Variants in EEF2 observed in about 807,000 individuals in gnomAD.
EEF2 encodes elongation factor 2.
Under a neutral mutation model 85.3 loss-of-function variants are expected in EEF2, and 21 were observed. The observed-to-expected ratio is 0.25, with a 90% CI of 0.17 to 0.35. EEF2 has a LOEUF of 0.35. EEF2 is among the 10% of genes least tolerant of loss of function. The pLI is 1.00. For missense variants in EEF2, 825 were observed against 1,225.3 expected (o/e 0.67, Z 4.88); for synonymous variants, 723 against 508.8 (o/e 1.42, Z -5.67).
At chr19:3,982,096 G>C (rs369219743) in intron 5 of EEF2, 44 bp from the exon 6 acceptor site, 1 of 1,607,784 alleles carries the variant, frequency 6.2e-7, no homozygotes, top group Non-Finnish European at 8.5e-7. Context: ...GGTCTCCAGG[G>C]GATGACTTGG....
At chr19:3,978,807 A>AAAAAAAAAAG (rs2039708289) in intron 11 of EEF2, among the ~76,000 whole-genome samples, 1 of 112,126 alleles carries the variant, frequency 8.9e-6, no homozygotes, top group Non-Finnish European at 1.7e-5. Flanking sequence ...TTGTCTCAAA[A>AAAAAAAAAAG]AAAAAAAAAA....
chr19:3,980,841 C>T lies in EEF2; in HGVS notation c.1150G>A (p.Gly384Ser), dbSNP rs1439827287. ...EGPPDDEAAM[G>S]IKSCDPKGPL... is the part of the protein sequence containing the mutation. ...GGGCCCGGCCACCGGGACCACGTACCCATGGCAGCCTCGTCGTCCGGGGGC... is the reference window on the plus strand; with the variant it reads ...GGGCCCGGCCACCGGGACCACGTACTCATGGCAGCCTCGTCGTCCGGGGGC... Residue 384 changes from glycine to serine, a missense_variant and splice_region_variant, in exon 8 of 15, where the codon GGC becomes AGC. Gly to Ser is a moderately conservative substitution (Grantham distance 56). Transcript: ENST00000309311. 4.5e-6 allele frequency: 7 copies of T among 1,570,412 alleles called. No homozygotes were observed. The highest frequency in any genetic ancestry group is 6.0e-6 in the Non-Finnish European group (7 of 1,159,282).
In EEF2 at chr19:3,979,407, G is replaced by A. The variant is rs2039717210; in HGVS notation, c.1635C>T (p.Ile545=). The A allele has an allele frequency of 1.9e-6, 3 of 1,613,936 alleles. No individual in the cohort carries two copies. Among genetic ancestry groups the A allele is most frequent in the Non-Finnish European group, 8.5e-7 (1 of 1,180,018 alleles). ...QCIIEESGEH[I]IAGAGELHLE... ...GGTGCAGCTCGCCGGCGCCCGCGAT[G>A]ATATGCTCTCCCGACTCCTCGATGA... The change falls in exon 11 of 15, where the codon ATC becomes ATT. Residue 545 remains isoleucine (I), a synonymous_variant. Coordinates refer to ENST00000309311, the MANE Select transcript of EEF2 (RefSeq NM_001961.4).
intron 11 of EEF2, among the ~76,000 whole-genome samples, chr19:3,978,571 C>A (rs902718372): frequency 1.3e-5 from 2 of 151,644 alleles, no homozygotes; most frequent in African/African-American, 2.4e-5. Context: ...TTTGGGAGGC[C>A]GAGGCGGGTG....
Position 3,982,231 on chromosome 19 carries a change from T to G in EEF2, c.791+15A>C. Reference sequence around the variant, plus strand: ...CAGGTGTCAGGAATCCCCCACCATATCCCGCGGGGCTCACCTGTCACCCCA... The same window carrying G: ...CAGGTGTCAGGAATCCCCCACCATAGCCCGCGGGGCTCACCTGTCACCCCA... On this transcript the variant is annotated intron_variant, in intron 5 of 14. Transcript: ENST00000309311. 1 of 1,613,242 alleles carries G rather than the reference T, an allele frequency of 6.2e-7. No individual in the cohort carries two copies. Among genetic ancestry groups the G allele is most frequent in the East Asian group, 2.2e-5 (1 of 44,860 alleles).
intron 11 of EEF2, 143 bp downstream of exon 11, chr19:3,979,186 G>A (rs1320136777): frequency 4.3e-5 from 27 of 633,842 alleles, no homozygotes; most frequent in Non-Finnish European, 6.0e-5. Context: ...AGACTGCAAA[G>A]AAGAAACTTG....
At chr19:3,983,351 G>T in intron 2 of EEF2, 60 bp from the exon 3 acceptor site, 3 of 1,553,980 alleles carry the variant, frequency 1.9e-6, no homozygotes, top group Non-Finnish European at 2.6e-6. Context: ...CAGGGAGTCT[G>T]GGATGCTGTC....
intron 9 of EEF2, 135 bp from the exon 10 acceptor site, chr19:3,980,201 T>C (rs555820927): frequency 7.0e-6 from 9 of 1,288,808 alleles, no homozygotes; most frequent in Non-Finnish European, 8.4e-6. Context: ...CACAAGGCCC[T>C]GACTGCTGCG....
rs202047073 is a variant in EEF2 at position 3,982,876 on chromosome 19, G to A, written c.543C>T (p.Ile181=). 9.0e-5 allele frequency: 146 copies of A among 1,613,534 alleles called. No homozygotes were observed. The highest frequency in any genetic ancestry group is 1.1e-4 in the Non-Finnish European group (130 of 1,179,980). ...AGATGATGACGTTCACGTTCTCCAC[G>A]ATGCGCTGGAAAGTCTGGTAGAGCT... The part of the protein sequence containing the change: ...PEELYQTFQR[I]VENVNVIIST... Residue 181 remains isoleucine (I), a synonymous_variant, in exon 4 of 15, where the codon ATC becomes ATT. Transcript: ENST00000309311.
At chr19:3,978,937 A>T (rs1029488215) in intron 11 of EEF2, among the ~76,000 whole-genome samples, 10 of 151,596 alleles carry the variant, frequency 6.6e-5, no homozygotes, top group African/African-American at 2.4e-4. Flanking sequence ...TTGACTTACT[A>T]ACACAGTGAA....
chr19:3,981,129 G>T, intron 7 of EEF2, 150 bp from the exon 8 acceptor site: 2 of 1,324,220 alleles, frequency 1.5e-6, no homozygotes, highest in Non-Finnish European at 2.0e-6. Flanking sequence ...CAAAGGCCAT[G>T]CACACTCCTG....
chr19:3,985,413 A>T lies in EEF2; in HGVS notation c.-33T>A. 1 of 1,488,360 alleles carries T rather than the reference A, an allele frequency of 6.7e-7. No homozygotes were observed. Among genetic ancestry groups the T allele is most frequent in the Non-Finnish European group, 9.0e-7 (1 of 1,113,076 alleles). The allele number at this position is 1,488,360 out of a possible 1,614,324, so 92.2% of individuals were successfully genotyped here. A position where few individuals can be genotyped will look rare whatever the true frequency, so the allele number is the denominator to read the frequency against. On this transcript the variant is annotated 5_prime_UTR_variant, in exon 1 of 15. Transcript: ENST00000309311. ...GATGGCGGTGGATTCTCCCAGGTAG[A>T]ACCGAAAGAAGCGAGTCGCGCCGAG...
chr19:3,982,169 A>T, intron 5 of EEF2, 77 bp downstream of exon 5: 40 of 1,601,004 alleles, frequency 2.5e-5, no homozygotes, highest in Non-Finnish European at 3.1e-5. Context: ...CACGCTGTGA[A>T]TAGCACACCA....
rs1361653152 is a variant in EEF2, at chr19:3,981,989, C to T, written c.855G>A (p.Leu285=). 1 of 1,614,202 alleles carries T rather than the reference C, an allele frequency of 6.2e-7. No individual in the cohort carries two copies. Among genetic ancestry groups the T allele is most frequent in the Admixed American group, 1.7e-5 (1 of 60,016 alleles). Residue 285 remains leucine, a synonymous_variant, in exon 6 of 15, where the codon CTG becomes CTA. Coordinates refer to ENST00000309311, the MANE Select transcript of EEF2 (RefSeq NM_001961.4). ...GGATCAGCTGGCAGAAGGTGCGTGGCAGCTTCTTCCCTTCGGGGCTGGTGG... is the reference window on the plus strand; with the variant it reads ...GGATCAGCTGGCAGAAGGTGCGTGGTAGCTTCTTCCCTTCGGGGCTGGTGG... ...KSATSPEGKK[L]PRTFCQLILD...
intron 8 of EEF2, 23 bp downstream of exon 8, chr19:3,980,818 G>A: frequency 6.3e-7 from 1 of 1,576,718 alleles, no homozygotes. Context: ...GCATCTCAGG[G>A]CCCGGCCACC....
chr19:3,982,102 C>G, intron 5 of EEF2, 50 bp from the exon 6 acceptor site: 2 of 1,608,154 alleles, frequency 1.2e-6, no homozygotes, highest in Non-Finnish European at 8.5e-7. Context: ...CAGGGGATGA[C>G]TTGGGGAGGG....
Position 3,980,591 on chromosome 19 carries a change from A to G in EEF2, c.1269T>C (p.Thr423=). ...FGRVFSGLVS[T]GLKVRIMGPN... ...GCCCCATGATCCTGACCTTCAGGCC[A>G]GTGGAGACCAGCCCCGAGAAGACTC... Residue 423 remains threonine, a synonymous_variant, in exon 9 of 15, where the codon ACT becomes ACC. Coordinates refer to ENST00000309311, the MANE Select transcript of EEF2 (RefSeq NM_001961.4). 6.2e-7 allele frequency: 1 copy of G among 1,614,246 alleles called. No individual in the cohort carries two copies. The highest frequency in any genetic ancestry group is 8.5e-7 in the Non-Finnish European group (1 of 1,180,038).
At chr19:3,982,446 A>G in intron 4 of EEF2, 22 bp from the exon 5 acceptor site, 1 of 1,613,700 alleles carries the variant, frequency 6.2e-7, no homozygotes, top group Non-Finnish European at 8.5e-7. Context: ...AGAAACGAGA[A>G]GCAGCCGTGA....
chr19:3,980,929 G>A lies in EEF2; in HGVS notation c.1062C>T (p.Ile354=). The A allele has an allele frequency of 6.4e-7, 1 of 1,572,034 alleles. No individual in the cohort carries two copies. Among genetic ancestry groups the A allele is most frequent in the South Asian group, 1.2e-5 (1 of 86,144 alleles). The change falls in exon 8 of 15, where the codon ATC becomes ATT. Residue 354 remains isoleucine (I), a synonymous_variant. Transcript: ENST00000309311. ...LPAGDALLQM[I]TIHLPSPVTA... ...TCACAGGGGAGGGCAGGTGGATGGT[G>A]ATCATCTGCAACAAGGCGTCTCCGG...
Sources: gnomAD v4.1 joint callset for allele counts (sites outside exome capture counted in the v4.1 genomes callset) on GRCh38, gnomAD v4.1.1 for gene constraint, MANE v1.5 for transcripts, NCBI Gene and HGNC (gene_info 2026-07-23, HGNC 2026-07-21) for gene names.